Variants in FRMPD3 observed in about 807,000 individuals in gnomAD.
FRMPD3 encodes FERM and PDZ domain containing 3.
Under a neutral mutation model 97.9 loss-of-function variants are expected in FRMPD3, and 42 were observed. The observed-to-expected ratio is 0.43, with a 90% CI of 0.34 to 0.55. The LOEUF (loss-of-function observed/expected upper bound fraction) is 0.55. Ranked by LOEUF, FRMPD3 falls within the 20% of genes least tolerant of loss-of-function variation. The probability of loss-of-function intolerance (pLI) is 0.03; values close to 1 mark genes in which losing one functional copy is unlikely to be tolerated. For synonymous variants in FRMPD3, 577 were observed against 581.1 expected, an observed-to-expected ratio of 0.99 and a Z score of 0.10; for missense variants, 1,303 against 1,457.7, an observed-to-expected ratio of 0.89 and a Z score of 1.73.
intron 10 of FRMPD3, among the ~76,000 whole-genome samples, chrX:107,561,251 C>T (rs945051798): frequency 6.3e-5 from 7 of 111,770 alleles, no homozygotes; most frequent in African/African-American, 2.0e-4. Flanking sequence ...GTAATCCCAG[C>T]GCTTTGGGAG....
Position 107,491,861 on chromosome X carries a change from C to A in FRMPD3, c.-7-34721C>A, listed in dbSNP as rs185478049. Among the ~76,000 whole-genome samples, 19 of 111,193 alleles carry A rather than the reference C, an allele frequency of 1.7e-4. No homozygotes were observed. The East Asian group carries it at 5.4e-3, about 31-fold the overall frequency. On this transcript the variant is annotated intron_variant, in intron 1 of 14. Transcript: ENST00000683843. ...TAGCTGAAACCTGTATAGGTGGAGA[C>A]CAGGTAAACAAGATGACTCTTCCCT...
chrX:107,592,742 C>G (rs1448245206), intron 13 of FRMPD3, among the ~76,000 whole-genome samples: 1 of 105,811 alleles, frequency 9.5e-6, no homozygotes, highest in Non-Finnish European at 1.9e-5. Context: ...TTCCTTTTCA[C>G]CATATCCACA....
chrX:107,477,316 A>G lies in FRMPD3; in HGVS notation c.-8+27311A>G, dbSNP rs377716053. The stretch of plus-strand genomic sequence containing the variant: ...TGGCATCCTGGCTCAGTGATTCTGC[A>G]GGCAGAGCTGAGCTGGTGGAAATGC... On this transcript the variant is annotated intron_variant, in intron 1 of 14. Coordinates refer to ENST00000683843, the MANE Select transcript of FRMPD3 (RefSeq NM_001388459.1). Among the ~76,000 whole-genome samples the G allele has an allele frequency of 3.9e-3, 361 of 93,651 alleles. 4 individuals are homozygous for G. The highest frequency in any genetic ancestry group is 0.014 in the African/African-American group (340 of 25,006). The allele number at this position is 93,651 out of a possible 115,157, so 81.3% of individuals were successfully genotyped here. A position where few individuals can be genotyped will look rare whatever the true frequency, so the allele number is the denominator to read the frequency against.
In FRMPD3 at chrX:107,588,414, C is replaced by T. The variant is rs6652963; in HGVS notation, c.1442-8907C>T. Among the ~76,000 whole-genome samples the T allele has an allele frequency of 3.1e-3, 347 of 111,140 alleles. 2 individuals are homozygous for T. Among genetic ancestry groups the T allele is most frequent in the African/African-American group, 0.011 (333 of 30,566 alleles). On this transcript the variant is annotated intron_variant, in intron 13 of 14. Transcript: ENST00000683843. The stretch of plus-strand genomic sequence containing the variant: ...GGATTACAGTCATGCACCACCACAC[C>T]TGGCTAATTTTGTATTTTTAGTAGA...
Position 107,600,448 on chromosome X carries a change from C to A in FRMPD3, c.2409C>A (p.Leu803=). ...CCACCTACTTCCTGGCCCAGCACCT[C>A]AACAAGGACAGCCTCCTTGCCCGCA... ...QNTTYFLAQH[L]NKDSLLARKD... is the part of the protein sequence containing the mutation. Residue 803 remains leucine (L), a synonymous_variant, in exon 15 of 15, where the codon CTC becomes CTA. Transcript: ENST00000683843. The A allele has an allele frequency of 8.3e-7, 1 of 1,210,684 alleles. No homozygotes were observed. Among genetic ancestry groups the A allele is most frequent in the Non-Finnish European group, 1.1e-6 (1 of 895,314 alleles).
intron 1 of FRMPD3, among the ~76,000 whole-genome samples, chrX:107,461,794 TATACATATAC>T (rs970951890): frequency 4.6e-5 from 5 of 108,906 alleles, no homozygotes; most frequent in African/African-American, 1.7e-4. Flanking sequence ...TACATATACA[TATACATATAC>T]ATATACATAT....
chrX:107,464,547 G>T (rs1354147401), intron 1 of FRMPD3, among the ~76,000 whole-genome samples: 5 of 110,614 alleles, frequency 4.5e-5, no homozygotes, highest in Non-Finnish European at 7.6e-5. Context: ...CTTTCCTTTG[G>T]CAACACTCCA....
At chrX:107,482,806 T>C (rs1217952295) in intron 1 of FRMPD3, among the ~76,000 whole-genome samples, 1 of 111,758 alleles carries the variant, frequency 8.9e-6, no homozygotes, top group East Asian at 2.8e-4. Flanking sequence ...AAGAGGTAAG[T>C]GCAAGAGAGG....
At chrX:107,584,556 C>T (rs1028072876) in intron 13 of FRMPD3, among the ~76,000 whole-genome samples, 1 of 111,993 alleles carries the variant, frequency 8.9e-6, no homozygotes, top group African/African-American at 3.2e-5. Flanking sequence ...AGGTTTTCTT[C>T]TAGAGTTTTT....
intron 13 of FRMPD3, among the ~76,000 whole-genome samples, chrX:107,582,847 G>C (rs1397431318): frequency 9.0e-6 from 1 of 111,097 alleles, no homozygotes; most frequent in Non-Finnish European, 1.9e-5. Context: ...GGTTATTCTG[G>C]GTCTCTTGTG....
At chrX:107,593,480 CT>C (rs1215392146) in intron 13 of FRMPD3, among the ~76,000 whole-genome samples, 1 of 111,488 alleles carries the variant, frequency 9.0e-6, no homozygotes, top group African/African-American at 3.3e-5. Context: ...AAGCCAATGT[CT>C]AGTAGGGGTT....
At chrX:107,450,562 CCA>C (rs561898459) in intron 1 of FRMPD3, among the ~76,000 whole-genome samples, 3,557 of 84,059 alleles carry the variant, frequency 0.042, 74 homozygotes, top group African/African-American at 0.062. Flanking sequence ...CATGCAAAGA[CCA>C]CACACACACA....
chrX:107,480,698 G>C (rs924984464), intron 1 of FRMPD3, among the ~76,000 whole-genome samples: 2 of 107,452 alleles, frequency 1.9e-5, no homozygotes, highest in African/African-American at 6.8e-5. Flanking sequence ...ATGTGGTGGC[G>C]GGTGCCTATA....
chrX:107,562,505 A>G (rs187017396), intron 10 of FRMPD3, among the ~76,000 whole-genome samples: 95 of 112,580 alleles, frequency 8.4e-4, no homozygotes, highest in Non-Finnish European at 1.2e-3. Context: ...ACAGGTGGGA[A>G]TGTCAAGGCA....
At chrX:107,564,785 CAG>C (rs1170657377) in intron 11 of FRMPD3, 100 bp from the exon 12 acceptor site, 7 of 863,853 alleles carry the variant, frequency 8.1e-6, no homozygotes, top group Non-Finnish European at 1.2e-5. Context: ...CAGACCCCAC[CAG>C]AGAGTCCAAT....
At position 107,597,605 on chromosome X, in the gene FRMPD3, G is replaced by C; in HGVS notation, c.1726G>C (p.Val576Leu). The part of the protein sequence containing the change: ...SKSSGQGYEV[V>L]PDDFDAASLD... The stretch of plus-strand genomic sequence containing the variant: ...AAGCTCTGGCCAAGGTTATGAGGTA[G>C]TCCCTGATGACTTTGATGCAGCTAG... Residue 576 changes from valine (V) to leucine (L), a missense_variant, in exon 14 of 15, where the codon GTC becomes CTC. By Grantham distance (32) the Val-to-Leu change is conservative. Transcript: ENST00000683843. The C allele has an allele frequency of 8.3e-7, 1 of 1,210,946 alleles. No individual in the cohort carries two copies. The highest frequency in any genetic ancestry group is 1.1e-6 in the Non-Finnish European group (1 of 895,478).
intron 3 of FRMPD3, among the ~76,000 whole-genome samples, chrX:107,531,909 A>G (rs1449110993): frequency 1.8e-5 from 2 of 111,028 alleles, no homozygotes; most frequent in Non-Finnish European, 3.8e-5. Flanking sequence ...AGCAGAGCAC[A>G]CTCTTGATAA....
intron 1 of FRMPD3, among the ~76,000 whole-genome samples, chrX:107,487,101 A>T (rs1291378302): frequency 9.2e-6 from 1 of 108,519 alleles, no homozygotes; most frequent in East Asian, 2.9e-4. Context: ...AAAAAAAAAA[A>T]AAAATAACTG....
intron 1 of FRMPD3, among the ~76,000 whole-genome samples, chrX:107,518,750 G>A (rs1482116524): frequency 8.9e-6 from 1 of 112,074 alleles, no homozygotes; most frequent in Non-Finnish European, 1.9e-5. Flanking sequence ...GTACCTGAAA[G>A]AATACAGGGG....
Sources: allele counts gnomAD v4.1 joint callset (sites outside exome capture counted in the v4.1 genomes callset), GRCh38; gene constraint gnomAD v4.1.1; transcripts MANE v1.5; gene names NCBI Gene and HGNC (gene_info 2026-07-23, HGNC 2026-07-21).